SNX25: variants seen among roughly 807,000 people sequenced by gnomAD.
SNX25 encodes sorting nexin-25.
SNX25 carries 62 observed loss-of-function variants against 113.7 expected under a neutral mutation model. The ratio of observed to expected loss-of-function variants is 0.55; its 90% confidence interval spans 0.44 to 0.67. The LOEUF (loss-of-function observed/expected upper bound fraction) is 0.67. Ranked by LOEUF, SNX25 falls within the 30% of genes least tolerant of loss-of-function variation. The pLI is 0.00. For synonymous variants in SNX25, 421 were observed against 436.2 expected, an observed-to-expected ratio of 0.97 and a Z score of 0.43; for missense variants, 1,014 against 1,161.0, an observed-to-expected ratio of 0.87 and a Z score of 1.84.
At chr4:185,241,399 G>A (rs113131108) in intron 1 of SNX25, among the ~76,000 whole-genome samples, 39,182 of 133,532 alleles carry the variant, frequency 0.29, 7,475 homozygotes, top group East Asian at 0.5. Flanking sequence ...AATCAGGCAG[G>A]GAGGTTGCAG....
downstream of SNX25, among the ~76,000 whole-genome samples, chr4:185,371,344 C>A (rs1207590939): frequency 6.6e-6 from 1 of 151,966 alleles, no homozygotes; most frequent in African/African-American, 2.4e-5. Context: ...TTGAGACCAT[C>A]CTGGCTAACA....
chr4:185,209,212 C>A (rs1215919167), upstream of SNX25: 1 of 152,190 alleles, frequency 6.6e-6, no homozygotes, highest in Non-Finnish European at 1.5e-5. The surrounding 1 kb of genome is among the most constrained non-coding windows in gnomAD (Gnocchi z 5.2). Context: ...GTCTCGGGAA[C>A]GGTTGCCTAT....
At chr4:185,205,257 C>T (rs1400382381), upstream of SNX25, among the ~76,000 whole-genome samples, 1 of 152,176 alleles carries the variant, frequency 6.6e-6, no homozygotes, top group African/African-American at 2.4e-5. Context: ...AGTTCAAGAC[C>T]AGCCTGACTA....
chr4:185,218,489 C>A (rs1050255467), intron 1 of SNX25, among the ~76,000 whole-genome samples: 1 of 152,212 alleles, frequency 6.6e-6, no homozygotes, highest in Non-Finnish European at 1.5e-5. Context: ...TGGGAGAAGG[C>A]AGCTAGGTGT....
chr4:185,242,600 T>G (rs1744234307), intron 1 of SNX25, among the ~76,000 whole-genome samples: 1 of 152,272 alleles, frequency 6.6e-6, no homozygotes, highest in South Asian at 2.1e-4. Context: ...GGTGCGGAGC[T>G]TTCATGCCCT....
At chr4:185,377,411 G>A in the SNX25 span, 5 of 166,852 alleles carry the variant, frequency 3.0e-5, no homozygotes, top group South Asian at 6.5e-4. Context: ...CCAGCTACTC[G>A]GGAGACTCAG....
intron 1 of SNX25, among the ~76,000 whole-genome samples, chr4:185,245,158 AT>A (rs1744657423): frequency 1.3e-5 from 2 of 151,894 alleles, no homozygotes; most frequent in Non-Finnish European, 1.5e-5. Flanking sequence ...ATGTTCTGCA[AT>A]TTTTTTTGTT....
intron 7 of SNX25, among the ~76,000 whole-genome samples, chr4:185,320,343 A>G (rs574347167): frequency 6.6e-6 from 1 of 152,192 alleles, no homozygotes; most frequent in Non-Finnish European, 1.5e-5. Context: ...GGATGAAGCT[A>G]GAGGCCATCA....
chr4:185,240,468 G>A (rs867525554), intron 1 of SNX25, among the ~76,000 whole-genome samples: 30 of 150,092 alleles, frequency 2.0e-4, no homozygotes, highest in African/African-American at 4.4e-4. Context: ...CAGTAGGGGC[G>A]GCCGGGCAGA....
chr4:185,378,131 T>G, the SNX25 span: 1 of 1,614,082 alleles, frequency 6.2e-7, no homozygotes, highest in East Asian at 2.2e-5. Flanking sequence ...AGCAGCATAC[T>G]GAGATACAGA....
chr4:185,328,239 C>T (rs2095170138), intron 9 of SNX25, among the ~76,000 whole-genome samples: 1 of 151,968 alleles, frequency 6.6e-6, no homozygotes, highest in Non-Finnish European at 1.5e-5. Context: ...GCTAGGAAAA[C>T]AATTTCCAGG....
rs1737608118 is a variant in SNX25 at position 185,210,571 on chromosome 4, G to T, written c.429+316G>T. On this transcript the variant is annotated intron_variant, in intron 1 of 18. Coordinates refer to ENST00000652585, the MANE Select transcript of SNX25 (RefSeq NM_001378034.2). The surrounding 1 kb of genome is among the most constrained non-coding windows in gnomAD (Gnocchi z 4.4). ...CCCCAGACCTTCGGTGTCGCTTGCC[G>T]TGGGAGGGGAAGAAGGGAATCACAG... 6.6e-6 allele frequency among the ~76,000 whole-genome samples: 1 copy of T among 152,160 alleles called. No individual in the cohort carries two copies. The highest frequency in any genetic ancestry group is 1.5e-5 in the Non-Finnish European group (1 of 68,018).
intron 2 of SNX25, 78 bp from the exon 3 acceptor site, chr4:185,258,770 C>G: frequency 8.7e-7 from 1 of 1,155,644 alleles, no homozygotes; most frequent in African/African-American, 1.5e-5. Context: ...TAGTAGGTGG[C>G]CAGTTTCCAG....
chr4:185,368,134 C>T (rs1235143795), downstream of SNX25, among the ~76,000 whole-genome samples: 18 of 152,234 alleles, frequency 1.2e-4, no homozygotes, highest in East Asian at 3.9e-4. Flanking sequence ...GCCGAGATTG[C>T]GCCACTGCAC....
chr4:185,283,838 A>G (rs1048844032), intron 5 of SNX25, among the ~76,000 whole-genome samples: 3 of 152,246 alleles, frequency 2.0e-5, no homozygotes, highest in Non-Finnish European at 4.4e-5. Flanking sequence ...TACCCAGTAC[A>G]ATCTATGAAT....
At chr4:185,375,080 A>G (rs1035078958), downstream of SNX25, among the ~76,000 whole-genome samples, 4 of 151,886 alleles carry the variant, frequency 2.6e-5, no homozygotes, top group African/African-American at 9.7e-5. Flanking sequence ...ACATCACCCA[A>G]AAGAAGAAAA....
chr4:185,365,018 A>ATGTGTG (rs3841656), downstream of SNX25: 10 of 148,978 alleles, frequency 6.7e-5, no homozygotes, highest in Admixed American at 2.0e-4. Context: ...GTGTGTGTGT[A>ATGTGTG]TGTGTGTGTG....
At chr4:185,231,282 G>A (rs11935725) in intron 1 of SNX25, among the ~76,000 whole-genome samples, 77,364 of 150,384 alleles carry the variant, frequency 0.51, 20,333 homozygotes, top group East Asian at 0.74. Context: ...TGTATTTTTA[G>A]TAGAGACGGG....
At chr4:185,240,517 G>C (rs374798768) in intron 1 of SNX25, among the ~76,000 whole-genome samples, 1 of 143,726 alleles carries the variant, frequency 7.0e-6, no homozygotes, top group Non-Finnish European at 1.6e-5. Flanking sequence ...CTGGCTGGGC[G>C]GGGGGCTGAC....
Sources: allele counts gnomAD v4.1 joint callset (sites outside exome capture counted in the v4.1 genomes callset), GRCh38; gene constraint gnomAD v4.1.1; non-coding constraint Gnocchi (gnomAD v3.1); transcripts MANE v1.5; gene names NCBI Gene and HGNC (gene_info 2026-07-23, HGNC 2026-07-21).